Variants in GRM5 observed in about 807,000 individuals in gnomAD.
GRM5 encodes the protein glutamate metabotropic receptor 5, also known as metabotropic glutamate receptor 5.
Under a neutral mutation model 83.1 loss-of-function variants are expected in GRM5, and 19 were observed. The ratio of observed to expected loss-of-function variants is 0.23; its 90% CI spans 0.16 to 0.34. GRM5 has a LOEUF of 0.34. Among genes scored for constraint, GRM5 ranks in the 10% least tolerant of loss-of-function variants. GRM5 has a pLI of 1.00. For missense variants in GRM5, 1,160 were observed against 1,588.3 expected, an observed-to-expected ratio of 0.73 and a Z score of 4.58; for synonymous variants, 675 against 633.6, an observed-to-expected ratio of 1.07 and a Z score of -0.98.
At chr11:89,035,664 A>G (rs1206213305) in intron 2 of GRM5, among the ~76,000 whole-genome samples, 1 of 152,056 alleles carries the variant, frequency 6.6e-6, no homozygotes, top group African/African-American at 2.4e-5. Flanking sequence ...TAATATATTA[A>G]TAACAGCACG....
intron 3 of GRM5, among the ~76,000 whole-genome samples, chr11:88,723,311 GC>G (rs778989784): frequency 6.6e-6 from 1 of 151,998 alleles, no homozygotes; most frequent in Non-Finnish European, 1.5e-5. Flanking sequence ...CCAAGTTTTG[GC>G]AATTATGAAT....
intron 4 of GRM5, among the ~76,000 whole-genome samples, chr11:88,623,645 G>A (rs1032154388): frequency 6.6e-6 from 1 of 152,128 alleles, no homozygotes; most frequent in African/African-American, 2.4e-5. Context: ...TGTAACCCAG[G>A]CTCAGTAAAT....
At chr11:88,616,306 G>T (rs1419945009) in intron 4 of GRM5, among the ~76,000 whole-genome samples, 1 of 147,998 alleles carries the variant, frequency 6.8e-6, no homozygotes, top group African/African-American at 2.5e-5. Flanking sequence ...AGGAATAAAA[G>T]AAATGCTGAA....
At chr11:89,064,933 AGAGAGAGG>A (rs774413361) in intron 1 of GRM5, among the ~76,000 whole-genome samples, 1,927 of 59,678 alleles carry the variant, frequency 0.032, 14 homozygotes, top group African/African-American at 0.038. Flanking sequence ...AGAGAGAGAG[AGAGAGAGG>A]GAGAGAGAGA....
At chr11:88,867,061 C>A (rs1565268182) in intron 2 of GRM5, among the ~76,000 whole-genome samples, 1 of 151,736 alleles carries the variant, frequency 6.6e-6, no homozygotes. Context: ...TTCCACTGGT[C>A]TATATATTTG....
At position 88,567,162 on chromosome 11, in the gene GRM5, T is replaced by A; in HGVS notation, c.2521A>T (p.Thr841Ser). 6.2e-7 allele frequency: 1 copy of A among 1,612,472 alleles called. No homozygotes were observed. Among genetic ancestry groups the A allele is most frequent in the Non-Finnish European group, 8.5e-7 (1 of 1,178,564 alleles). Reference sequence around the variant, plus strand: ...TCCCCTACATGCATGCGCACCACGGTAGATGTGGTGAAGGCGCTGCGCACG... The same window carrying A: ...TCCCCTACATGCATGCGCACCACGGAAGATGTGGTGAAGGCGCTGCGCACG... ...RNVRSAFTTS[T>S]VVRMHVGDGK... The change falls in exon 8 of 10, where the codon ACC becomes TCC. Residue 841 changes from threonine (T) to serine (S), a missense_variant. Coordinates refer to ENST00000305447, the MANE Select transcript of GRM5 (RefSeq NM_001143831.3). This position sits in a 1 kb window ranked among gnomAD's most constrained non-coding sequence, Gnocchi z 7.3.
At chr11:88,706,734 G>C (rs190711769) in intron 3 of GRM5, among the ~76,000 whole-genome samples, 65 of 152,040 alleles carry the variant, frequency 4.3e-4, no homozygotes, top group African/African-American at 1.5e-3. Flanking sequence ...TTTATTTTGT[G>C]AGTCAGATTG....
At position 89,008,992 on chromosome 11, in the gene GRM5, A is replaced by G. The variant is rs1182449094; in HGVS notation, c.661+38220T>C. The G allele has an allele frequency of 4.6e-6, 3 of 658,960 alleles. No individual in the cohort carries two copies. The South Asian group carries it at 5.4e-5, about 12-fold the overall frequency. 40.8% of individuals were successfully genotyped at this position (658,960 alleles called of 1,614,324 possible). ...AAGTGATAACTTTTTACTTACAACT[A>G]ATTAGGAGCCTAATTTACCTTTAGC... On this transcript the variant is annotated intron_variant, in intron 2 of 9. Transcript: ENST00000305447.
At chr11:88,580,879 G>A (rs1479387104) in intron 7 of GRM5, among the ~76,000 whole-genome samples, 4 of 152,190 alleles carry the variant, frequency 2.6e-5, no homozygotes, top group African/African-American at 7.2e-5. Flanking sequence ...AGTGGCTCAC[G>A]CCTGTAATCC....
chr11:89,034,210 A>G (rs896287989), intron 2 of GRM5, among the ~76,000 whole-genome samples: 6 of 151,880 alleles, frequency 4.0e-5, no homozygotes, highest in African/African-American at 1.4e-4. Flanking sequence ...AAAAAAAGAT[A>G]TTAATGGTGT....
At chr11:88,727,542 A>G (rs1461196908) in intron 3 of GRM5, among the ~76,000 whole-genome samples, 1 of 152,206 alleles carries the variant, frequency 6.6e-6, no homozygotes, top group Admixed American at 6.5e-5. Flanking sequence ...CGGACCCAAT[A>G]GACATCTACA....
intron 3 of GRM5, 97 bp downstream of exon 3, chr11:88,849,809 G>A (rs1944358386): frequency 4.3e-6 from 5 of 1,163,090 alleles, no homozygotes; most frequent in East Asian, 4.7e-5. Flanking sequence ...CACAGATTAA[G>A]CTTTGAAAGA....
At chr11:88,881,648 T>C (rs1359488455) in intron 2 of GRM5, among the ~76,000 whole-genome samples, 1 of 152,238 alleles carries the variant, frequency 6.6e-6, no homozygotes, top group African/African-American at 2.4e-5. Flanking sequence ...GAAAACCATG[T>C]GAACTCAGTT....
intron 2 of GRM5, among the ~76,000 whole-genome samples, chr11:88,863,005 G>T (rs930747526): frequency 6.6e-6 from 1 of 152,074 alleles, no homozygotes; most frequent in Non-Finnish European, 1.5e-5. Context: ...ACAAAGATAT[G>T]AAAAAAAGCT....
chr11:88,803,560 T>C (rs1258626337), intron 3 of GRM5, among the ~76,000 whole-genome samples: 1 of 152,186 alleles, frequency 6.6e-6, no homozygotes, highest in East Asian at 1.9e-4. Context: ...GACTTAAACG[T>C]TGGACCTAAA....
At chr11:88,988,292 A>C (rs1015075706) in intron 2 of GRM5, among the ~76,000 whole-genome samples, 1 of 151,912 alleles carries the variant, frequency 6.6e-6, no homozygotes, top group Admixed American at 6.6e-5. Flanking sequence ...AAATGAAGCG[A>C]GAAGGGAAGT....
chr11:88,741,278 C>A (rs1942022141), intron 3 of GRM5, among the ~76,000 whole-genome samples: 1 of 151,986 alleles, frequency 6.6e-6, no homozygotes, highest in Admixed American at 6.6e-5. Flanking sequence ...ACTTTTGCAA[C>A]TGGACCAGTA....
chr11:88,552,385 A>G (rs1698667614), intron 8 of GRM5, among the ~76,000 whole-genome samples: 2 of 152,148 alleles, frequency 1.3e-5, no homozygotes, highest in Admixed American at 6.5e-5. Flanking sequence ...GCAAACCAAG[A>G]GATGAAATTT....
chr11:88,983,152 A>G (rs1329983761), intron 2 of GRM5, among the ~76,000 whole-genome samples: 1 of 152,206 alleles, frequency 6.6e-6, no homozygotes, highest in African/African-American at 2.4e-5. Flanking sequence ...ATTCAAATTC[A>G]CATTTTTTAA....
Sources: gnomAD v4.1 joint callset for allele counts (sites outside exome capture counted in the v4.1 genomes callset) on GRCh38, gnomAD v4.1.1 for gene constraint, Gnocchi (gnomAD v3.1) non-coding constraint, MANE v1.5 for transcripts, NCBI Gene and HGNC (gene_info 2026-07-23, HGNC 2026-07-21) for gene names.